Variants in CACNA2D3 observed in about 807,000 individuals in gnomAD.
CACNA2D3 encodes the protein calcium voltage-gated channel auxiliary subunit alpha2delta 3, also known as voltage-dependent calcium channel subunit alpha-2/delta-3.
In CACNA2D3, 60 loss-of-function variants were observed where a neutral mutation model predicts 160.6. That is an observed-to-expected ratio of 0.37 (90% CI 0.30 to 0.46). The LOEUF is 0.46. Ranked by LOEUF, CACNA2D3 falls within the 20% of genes least tolerant of loss-of-function variation. CACNA2D3 has a pLI of 1.00. For missense variants in CACNA2D3, 1,205 were observed against 1,365.0 expected, an observed-to-expected ratio of 0.88 and a Z score of 1.85; for synonymous variants, 558 against 492.9, an observed-to-expected ratio of 1.13 and a Z score of -1.75.
chr3:54,543,803 T>C (rs1702020302), intron 5 of CACNA2D3, among the ~76,000 whole-genome samples: 1 of 152,246 alleles, frequency 6.6e-6, no homozygotes, highest in South Asian at 2.1e-4. Context: ...ATTTTAGAAT[T>C]TGCAGTTGAG....
intron 17 of CACNA2D3, among the ~76,000 whole-genome samples, chr3:54,855,767 A>C (rs939419461): frequency 2.6e-5 from 4 of 152,138 alleles, no homozygotes; most frequent in Non-Finnish European, 2.9e-5. Context: ...CCTTCTGCTC[A>C]AGTGATTAAG....
intron 4 of CACNA2D3, among the ~76,000 whole-genome samples, chr3:54,470,622 T>C (rs1700713568): frequency 6.6e-6 from 1 of 152,204 alleles, no homozygotes; most frequent in African/African-American, 2.4e-5. Flanking sequence ...ATGCCCCAAT[T>C]AAAAGACACA....
chr3:54,912,062 C>T (rs188465551), intron 27 of CACNA2D3, among the ~76,000 whole-genome samples: 19 of 152,222 alleles, frequency 1.2e-4, no homozygotes, highest in African/African-American at 3.4e-4. Flanking sequence ...ATGCTTTCAC[C>T]GTCACTCATG....
At chr3:55,018,134 G>A in intron 34 of CACNA2D3, 72 bp from the exon 35 acceptor site, 3 of 869,126 alleles carry the variant, frequency 3.5e-6, no homozygotes, top group East Asian at 2.6e-5. Flanking sequence ...CTGGGTTGCT[G>A]TGGGCTGCCA....
intron 27 of CACNA2D3, among the ~76,000 whole-genome samples, chr3:54,959,990 A>G (rs1000794973): frequency 6.6e-6 from 1 of 151,962 alleles, no homozygotes; most frequent in East Asian, 1.9e-4. Context: ...CCAGTCAAGT[A>G]ATTAGAACCC....
Position 54,822,419 on chromosome 3 carries a change from C to G in CACNA2D3, c.1398+5549C>G, listed in dbSNP as rs533660236. Among the ~76,000 whole-genome samples, 9 of 152,328 alleles carry G rather than the reference C, an allele frequency of 5.9e-5. 1 individual carries two copies. The South Asian group carries it at 1.9e-3, about 32-fold the overall frequency. On this transcript the variant is annotated intron_variant, in intron 14 of 37. Transcript: ENST00000474759. ...TGGTTATATAACTAAGTATTTTGTTCTCTGCCATAGTTCTGTATGAGTGTG... is the reference window on the plus strand; with the variant it reads ...TGGTTATATAACTAAGTATTTTGTTGTCTGCCATAGTTCTGTATGAGTGTG...
At chr3:54,805,437 A>T (rs1339131918) in intron 13 of CACNA2D3, among the ~76,000 whole-genome samples, 1 of 152,224 alleles carries the variant, frequency 6.6e-6, no homozygotes, top group Non-Finnish European at 1.5e-5. Flanking sequence ...TATGCAAATA[A>T]ACTAGAAAAT....
chr3:55,041,600 T>C (rs1703961835), intron 35 of CACNA2D3, among the ~76,000 whole-genome samples: 1 of 152,162 alleles, frequency 6.6e-6, no homozygotes, highest in South Asian at 2.1e-4. Context: ...AAGCTTTTAT[T>C]TGCTTTTTTC....
chr3:54,293,737 G>C (rs1234384225), intron 2 of CACNA2D3, among the ~76,000 whole-genome samples: 1 of 152,162 alleles, frequency 6.6e-6, no homozygotes, highest in African/African-American at 2.4e-5. Flanking sequence ...TGACATTCTG[G>C]AAGAGGCAGA....
chr3:54,141,102 T>TGTGTGTGTGCGCGC (rs1699926793), intron 2 of CACNA2D3, among the ~76,000 whole-genome samples: 5 of 122,146 alleles, frequency 4.1e-5, no homozygotes, highest in Non-Finnish European at 8.7e-5. Context: ...CGCGCGCGTG[T>TGTGTGTGTGCGCGC]GTGCATGCAT....
At chr3:54,984,386 C>A (rs533635708) in intron 29 of CACNA2D3, among the ~76,000 whole-genome samples, 1 of 151,996 alleles carries the variant, frequency 6.6e-6, no homozygotes, top group Admixed American at 6.6e-5. Context: ...AAGACTCGTT[C>A]AGTCTTTTAT....
chr3:54,154,571 T>C (rs1351789272), intron 2 of CACNA2D3, among the ~76,000 whole-genome samples: 1 of 152,070 alleles, frequency 6.6e-6, no homozygotes, highest in African/African-American at 2.4e-5. Context: ...ATAGCCATAA[T>C]ATGCCAGTTT....
At position 54,387,668 on chromosome 3, in the gene CACNA2D3, A is replaced by AAGTT. The variant is rs1444200766; in HGVS notation, c.381+897_381+898insTAGT. Among the ~76,000 whole-genome samples the AAGTT allele has an allele frequency of 2.6e-5, 4 of 152,008 alleles. No individual in the cohort carries two copies. The South Asian group carries it at 8.3e-4, about 32-fold the overall frequency. On this transcript the variant is annotated intron_variant, in intron 4 of 37. Transcript: ENST00000474759. ...GTCTGTCTCAAATAAATAAGTAAGT[A>AAGTT]AGTAAGTAAGTAAGTAAAACTTGGA...
chr3:54,973,793 G>A (rs888301867), intron 29 of CACNA2D3, among the ~76,000 whole-genome samples: 2 of 152,194 alleles, frequency 1.3e-5, no homozygotes, highest in African/African-American at 4.8e-5. Context: ...GTTTTGATAT[G>A]ATCATTAGTT....
intron 6 of CACNA2D3, among the ~76,000 whole-genome samples, chr3:54,563,272 G>A (rs72865396): frequency 0.029 from 4,385 of 152,266 alleles, 186 homozygotes; most frequent in African/African-American, 0.1. Flanking sequence ...TACTGCTGCT[G>A]TTATTGCTAT....
intron 13 of CACNA2D3, among the ~76,000 whole-genome samples, chr3:54,779,798 T>G (rs1381917560): frequency 6.6e-6 from 1 of 152,222 alleles, no homozygotes; most frequent in Admixed American, 6.5e-5. Context: ...CCTATAGGTT[T>G]TCTTCATAGA....
At position 54,226,031 on chromosome 3, in the gene CACNA2D3, C is replaced by CA. The variant is rs576518089; in HGVS notation, c.205-94410dup. On this transcript the variant is annotated intron_variant, in intron 2 of 37. Transcript: ENST00000474759. ...TCTATTTCTGACTGGCCCTTACCAG[C>CA]AGGGTGTAATTCTTCAGTAGTCCAG... Among the ~76,000 whole-genome samples the CA allele has an allele frequency of 1.7e-4, 26 of 152,236 alleles. No individual in the cohort carries two copies. In the East Asian group the frequency reaches 4.8e-3, roughly 28 times the overall value.
In CACNA2D3 at chr3:54,804,907, T is replaced by C. The variant is rs567051740; in HGVS notation, c.1381-11946T>C. Among the ~76,000 whole-genome samples, 1,176 of 152,236 alleles carry C rather than the reference T, an allele frequency of 7.7e-3. 14 individuals carry two copies. Among genetic ancestry groups the C allele is most frequent in the African/African-American group, 0.026 (1,092 of 41,540 alleles). ...TCAGGATTAAGAAACTCACTCAAAA[T>C]GGCTCAACTACATGGAAACTGAACA... On this transcript the variant is annotated intron_variant, in intron 13 of 37. Transcript: ENST00000474759.
intron 10 of CACNA2D3, among the ~76,000 whole-genome samples, chr3:54,631,094 T>C (rs1699227393): frequency 6.6e-6 from 1 of 151,704 alleles, no homozygotes; most frequent in South Asian, 2.1e-4. Flanking sequence ...ATCCCAGCTA[T>C]TCGGGAGGCT....
Sources: allele counts gnomAD v4.1 joint callset (sites outside exome capture counted in the v4.1 genomes callset), GRCh38; gene constraint gnomAD v4.1.1; transcripts MANE v1.5; gene names NCBI Gene and HGNC (gene_info 2026-07-23, HGNC 2026-07-21).